Variants in CACNA1C observed in about 807,000 individuals in gnomAD.
The protein encoded by CACNA1C is calcium voltage-gated channel subunit alpha1 C.
CACNA1C carries 30 observed loss-of-function variants against 229.0 expected under a neutral mutation model. The observed-to-expected ratio is 0.13, with a 90% confidence interval of 0.10 to 0.18. The LOEUF is 0.18. CACNA1C is among the 10% of genes least tolerant of loss of function. The probability of loss-of-function intolerance (pLI) is 1.00; values close to 1 mark genes in which losing one functional copy is unlikely to be tolerated. For missense variants in CACNA1C, 1,658 were observed against 2,845.0 expected (o/e 0.58, Z 9.49); for synonymous variants, 1,114 against 1,132.5 (o/e 0.98, Z 0.33).
chr12:2,424,378 A>G (rs2099008857), intron 3 of CACNA1C, among the ~76,000 whole-genome samples: 1 of 152,156 alleles, frequency 6.6e-6, no homozygotes, highest in South Asian at 2.1e-4. Context: ...GAAAACGGGG[A>G]GAAGGTGAGA....
rs2096850117 is a variant in CACNA1C, at chr12:2,676,936, TG to T, written c.4829-156del. On this transcript the variant is annotated intron_variant, in intron 39 of 46. Coordinates refer to ENST00000399655, the MANE Select transcript of CACNA1C (RefSeq NM_000719.7). ...AGACTTTTGACCATAAGCCTTTTTA[TG>T]GTTTTTTTTCTCTCTTTTTAAGCCA... is the stretch of plus-strand genomic sequence containing the variant. 4 of 598,180 alleles carry T rather than the reference TG, an allele frequency of 6.7e-6. No individual in the cohort carries two copies. In the East Asian group the frequency reaches 9.0e-5, roughly 13 times the overall value. The allele number at this position is 598,180 out of a possible 1,614,324, so 37.1% of individuals were successfully genotyped here.
At chr12:2,660,925 A>T (rs1217968149) in intron 34 of CACNA1C, 1 of 152,102 alleles carries the variant, frequency 6.6e-6, no homozygotes, top group Non-Finnish European at 1.5e-5. Context: ...TTTCCAAGAC[A>T]TGGAGGCTAT....
chr12:2,693,346 C>T lies in CACNA1C; in HGVS notation c.*2147C>T, dbSNP rs1328655096. Reference sequence around the variant, plus strand: ...GTAGCTGGCTTTCCCTTCCCTTCCACCACACGGAATTTTCTCTTTGGCTTC... The same window carrying T: ...GTAGCTGGCTTTCCCTTCCCTTCCATCACACGGAATTTTCTCTTTGGCTTC... On this transcript the variant is annotated 3_prime_UTR_variant, in exon 47 of 47. Coordinates refer to ENST00000399655, the MANE Select transcript of CACNA1C (RefSeq NM_000719.7). 6.6e-6 allele frequency: 1 copy of T among 152,212 alleles called. No individual in the cohort carries two copies. Among genetic ancestry groups the T allele is most frequent in the African/African-American group, 2.4e-5 (1 of 41,434 alleles). The allele number at this position is 152,212 out of a possible 1,614,324, so 9.4% of individuals were successfully genotyped here. A position where few individuals can be genotyped will look rare whatever the true frequency, so the allele number is the denominator to read the frequency against.
In CACNA1C at chr12:2,597,180, T is replaced by G. The variant is rs757559974; in HGVS notation, c.2794-50T>G. 1.6e-6 allele frequency: 2 copies of G among 1,226,230 alleles called. No homozygotes were observed. The highest frequency in any genetic ancestry group is 3.4e-5 in the Admixed American group (2 of 58,074). The allele number at this position is 1,226,230 out of a possible 1,614,324, so 76.0% of individuals were successfully genotyped here. ...CCACTGACCTCTCTTCCCGTCCTGC[T>G]TTTCTCCCTTCCCCATCCCATCCCC... is the stretch of plus-strand genomic sequence containing the variant. On this transcript the variant is annotated intron_variant, in intron 20 of 46. Coordinates refer to ENST00000399655, the MANE Select transcript of CACNA1C (RefSeq NM_000719.7). This position sits in a 1 kb window ranked among gnomAD's most constrained non-coding sequence, Gnocchi z 4.3.
At chr12:2,141,166 G>A (rs2094141245) in intron 3 of CACNA1C, among the ~76,000 whole-genome samples, 1 of 151,144 alleles carries the variant, frequency 6.6e-6, no homozygotes, top group Non-Finnish European at 1.5e-5. Flanking sequence ...TGTGAGTGGG[G>A]TTGGAGGGGC....
intron 3 of CACNA1C, among the ~76,000 whole-genome samples, chr12:2,412,549 G>A (rs578132841): frequency 1.3e-5 from 2 of 152,352 alleles, no homozygotes; most frequent in East Asian, 3.9e-4. Flanking sequence ...GGGCTCGGGA[G>A]AAAGCACATT....
chr12:2,444,530 C>T (rs1318766839), intron 3 of CACNA1C, among the ~76,000 whole-genome samples: 1 of 152,078 alleles, frequency 6.6e-6, no homozygotes, highest in Non-Finnish European at 1.5e-5. Context: ...ACACTCTCCT[C>T]GTTCAGCCGT....
At chr12:2,510,905 C>T (rs375677625) in intron 8 of CACNA1C, among the ~76,000 whole-genome samples, 3 of 152,208 alleles carry the variant, frequency 2.0e-5, no homozygotes, top group African/African-American at 7.2e-5. Context: ...ACTAAGGCCC[C>T]GAAGGCTTAA....
At chr12:2,391,806 C>A (rs1031674623) in intron 3 of CACNA1C, among the ~76,000 whole-genome samples, 1 of 152,228 alleles carries the variant, frequency 6.6e-6, no homozygotes, top group Non-Finnish European at 1.5e-5. Flanking sequence ...ATCGAATCCA[C>A]TAGCCACTAA....
intron 3 of CACNA1C, among the ~76,000 whole-genome samples, chr12:2,380,595 A>G (rs2098215240): frequency 6.6e-6 from 1 of 152,126 alleles, no homozygotes; most frequent in African/African-American, 2.4e-5. Context: ...TTAGATTCCC[A>G]GTGTTCCCCC....
chr12:2,423,458 G>A (rs557980690), intron 3 of CACNA1C, among the ~76,000 whole-genome samples: 7 of 152,154 alleles, frequency 4.6e-5, no homozygotes, highest in Non-Finnish European at 7.3e-5. Flanking sequence ...TACCTTCATC[G>A]GTAGGATGGG....
rs2052926067 is a variant in CACNA1C at position 2,053,456 on chromosome 12, CGAAA to C, written c.-105_-102del. On this transcript the variant is annotated 5_prime_UTR_variant, in exon 1 of 47. Transcript: ENST00000399655. The surrounding 1 kb of genome is among the most constrained non-coding windows in gnomAD (Gnocchi z 5.8). ...GACCACGGCTTCCTCGAATCTTGCGCGAAAGCCGCCGGCCTCGGAGGAGGGATTA... is the reference window on the plus strand; with the variant it reads ...GACCACGGCTTCCTCGAATCTTGCGCGCCGCCGGCCTCGGAGGAGGGATTA... The C allele has an allele frequency of 2.0e-6, 3 of 1,478,422 alleles. No homozygotes were observed. The South Asian group carries it at 4.1e-5, about 20-fold the overall frequency. The allele number at this position is 1,478,422 out of a possible 1,614,324, so 91.6% of individuals were successfully genotyped here. A position where few individuals can be genotyped will look rare whatever the true frequency, so the allele number is the denominator to read the frequency against.
Position 2,068,415 on chromosome 12 carries a change from A to G in CACNA1C, c.49+14804A>G, listed in dbSNP as rs377297471. On this transcript the variant is annotated intron_variant, in intron 1 of 46. Transcript: ENST00000399655. ...AGAGAGGCGGTGGCTGCAAAGACCTAGTGTCTCTGAGTTGAGGAGGCTGGG... is the reference window on the plus strand; with the variant it reads ...AGAGAGGCGGTGGCTGCAAAGACCTGGTGTCTCTGAGTTGAGGAGGCTGGG... 5.0e-4 allele frequency among the ~76,000 whole-genome samples: 76 copies of G among 152,254 alleles called. 1 individual carries two copies. Among genetic ancestry groups the G allele is most frequent in the African/African-American group, 1.7e-3 (72 of 41,546 alleles).
At chr12:2,490,048 T>C (rs2099711504) in intron 6 of CACNA1C, among the ~76,000 whole-genome samples, 1 of 152,264 alleles carries the variant, frequency 6.6e-6, no homozygotes, top group African/African-American at 2.4e-5. Flanking sequence ...AGTGTTCGCT[T>C]TAGCGCTTTT....
intron 3 of CACNA1C, among the ~76,000 whole-genome samples, chr12:2,136,545 C>T (rs919244074): frequency 3.3e-5 from 5 of 150,922 alleles, no homozygotes; most frequent in African/African-American, 1.2e-4. Context: ...ATTATCAGGC[C>T]TTCAACTAGA....
chr12:2,413,195 T>G (rs186501438), intron 3 of CACNA1C, among the ~76,000 whole-genome samples: 211 of 29,328 alleles, frequency 7.2e-3, no homozygotes, highest in African/African-American at 0.027. Flanking sequence ...TTTTTGTATT[T>G]TTACTAAAGA....
intron 3 of CACNA1C, among the ~76,000 whole-genome samples, chr12:2,210,578 G>A (rs978512324): frequency 6.6e-6 from 1 of 152,210 alleles, no homozygotes; most frequent in Non-Finnish European, 1.5e-5. Flanking sequence ...CCCAGTTCAC[G>A]TGGTGCTTGT....
Position 2,115,246 on chromosome 12 carries a change from C to A in CACNA1C, c.72C>A (p.Arg24=). The change falls in exon 2 of 47, where the codon CGC becomes CGA. Residue 24 remains arginine, a synonymous_variant. Transcript: ENST00000399655. ...NHQGSNYGSP[R]PAHANMNANA... is the part of the protein sequence containing the mutation. ...CAGGTTCCAACTATGGGAGCCCACG[C>A]CCCGCCCATGCCAACATGAATGCCA... is the stretch of plus-strand genomic sequence containing the variant. The A allele has an allele frequency of 6.3e-7, 1 of 1,581,686 alleles. No homozygotes were observed. The highest frequency in any genetic ancestry group is 8.6e-7 in the Non-Finnish European group (1 of 1,162,400).
chr12:2,124,925 G>A (rs954336044), intron 3 of CACNA1C, among the ~76,000 whole-genome samples: 1 of 152,152 alleles, frequency 6.6e-6, no homozygotes, highest in African/African-American at 2.4e-5. Context: ...TGCAACCCAG[G>A]AGACTGTTTA....
Sources: allele counts gnomAD v4.1 joint callset (sites outside exome capture counted in the v4.1 genomes callset), GRCh38; gene constraint gnomAD v4.1.1; non-coding constraint Gnocchi (gnomAD v3.1); transcripts MANE v1.5; gene names NCBI Gene and HGNC (gene_info 2026-07-23, HGNC 2026-07-21).